The following GSC variants were observed in gnomAD, a reference collection of about 807,000 sequenced individuals.
The protein encoded by GSC is homeobox protein goosecoid.
GSC carries 13 observed loss-of-function variants against 24.5 expected under a neutral mutation model. That is an observed-to-expected ratio of 0.53 (90% CI 0.35 to 0.84). The LOEUF (loss-of-function observed/expected upper bound fraction) is 0.84. Among genes scored for constraint, GSC ranks in the 40% least tolerant of loss-of-function variants. The pLI, the probability that GSC is intolerant of heterozygous loss-of-function variation, is 0.01. For synonymous variants in GSC, 199 were observed against 182.1 expected (o/e 1.09, Z -0.75); for missense variants, 382 against 384.2 (o/e 0.99, Z 0.05).
Position 94,769,131 on chromosome 14 carries a change from C to G in GSC, c.442G>C (p.Glu148Gln). Reference sequence around the variant, plus strand: ...TGCAGCTGGTTGAGAAGCTGCAGCTCGGTGCGCGACAGCGTGCCCACGTTC... The same window carrying G: ...TGCAGCTGGTTGAGAAGCTGCAGCTGGGTGCGCGACAGCGTGCCCACGTTC... The part of the protein sequence containing the change: ...YMNVGTLSRT[E>Q]LQLLNQLHCR... The change falls in exon 2 of 3, where the codon GAG becomes CAG. Residue 148 changes from glutamate (E) to glutamine (Q), a missense_variant. Glu to Gln is a conservative substitution (Grantham distance 29). Coordinates refer to ENST00000238558, the MANE Select transcript of GSC (RefSeq NM_173849.3). 6.3e-7 allele frequency: 1 copy of G among 1,576,702 alleles called. No individual in the cohort carries two copies. The highest frequency in any genetic ancestry group is 1.7e-4 in the Middle Eastern group (1 of 5,880).
rs780023183 is a variant in GSC, at chr14:94,768,511, C to A, written c.754G>T (p.Asp252Tyr). Reference protein sequence around the residue: ...PEKREEEGKSDLDSDS With the variant: ...PEKREEEGKSYLDSDS Reference sequence around the variant, plus strand: ...GGCCGTCAGCTGTCCGAGTCCAAATCGCTTTTACCTTCCTCTTCCCTCTTC... The same window carrying A: ...GGCCGTCAGCTGTCCGAGTCCAAATAGCTTTTACCTTCCTCTTCCCTCTTC... The change falls in exon 3 of 3, where the codon GAT becomes TAT. Residue 252 changes from aspartate (D) to tyrosine (Y), a missense_variant. Asp to Tyr is a radical substitution (Grantham distance 160). Transcript: ENST00000238558. 2.5e-6 allele frequency: 4 copies of A among 1,614,104 alleles called. No individual in the cohort carries two copies. Among genetic ancestry groups the A allele is most frequent in the African/African-American group, 2.7e-5 (2 of 74,930 alleles).
Position 94,768,349 on chromosome 14 carries a change from G to T in GSC, c.*142C>A. ...CCTGACCCCAGACGCCGACCCTCCC[G>T]GCTCTGTACACTATTTACAGCTCCT... On this transcript the variant is annotated 3_prime_UTR_variant, in exon 3 of 3. Coordinates refer to ENST00000238558, the MANE Select transcript of GSC (RefSeq NM_173849.3). The T allele has an allele frequency of 8.7e-7, 1 of 1,148,916 alleles. No homozygotes were observed. The highest frequency in any genetic ancestry group is 1.3e-6 in the Non-Finnish European group (1 of 780,410). The allele number at this position is 1,148,916 out of a possible 1,614,324, so 71.2% of individuals were successfully genotyped here. A position where few individuals can be genotyped will look rare whatever the true frequency, so the allele number is the denominator to read the frequency against.
rs541597429 is a variant in GSC at position 94,769,048 on chromosome 14, G to C, written c.525C>G (p.Leu175=). ...TIFTDEQLEA[L]ENLFQETKYP... is the part of the protein sequence containing the mutation. ...ACTTGGTCTCCTGGAAGAGGTTCTC[G>C]AGAGCTTCGAGCTGCTCGTCAGTGA... The change falls in exon 2 of 3, where the codon CTC becomes CTG. Residue 175 remains leucine, a synonymous_variant. Coordinates refer to ENST00000238558, the MANE Select transcript of GSC (RefSeq NM_173849.3). The C allele has an allele frequency of 6.3e-6, 10 of 1,595,346 alleles. No homozygotes were observed. The highest frequency in any genetic ancestry group is 8.5e-6 in the Non-Finnish European group (10 of 1,171,686).
At position 94,768,432 on chromosome 14, in the gene GSC, G is replaced by A. The variant is rs1885212287; in HGVS notation, c.*59C>T. On this transcript the variant is annotated 3_prime_UTR_variant, in exon 3 of 3. Coordinates refer to ENST00000238558, the MANE Select transcript of GSC (RefSeq NM_173849.3). ...AGCGCGTGTGCAAGAAAGTAGCATCGTCTGTCTGTGCAAGTCCTTCGAGTT... is the reference window on the plus strand; with the variant it reads ...AGCGCGTGTGCAAGAAAGTAGCATCATCTGTCTGTGCAAGTCCTTCGAGTT... 1.3e-6 allele frequency: 2 copies of A among 1,593,560 alleles called. No individual in the cohort carries two copies. Among genetic ancestry groups the A allele is most frequent in the Non-Finnish European group, 1.7e-6 (2 of 1,161,498 alleles).
chr14:94,768,423 A>C lies in GSC; in HGVS notation c.*68T>G, dbSNP rs1885212163. ...CCGCAAGGCAGCGCGTGTGCAAGAA[A>C]GTAGCATCGTCTGTCTGTGCAAGTC... On this transcript the variant is annotated 3_prime_UTR_variant, in exon 3 of 3. Transcript: ENST00000238558. 5.7e-6 allele frequency: 9 copies of C among 1,576,420 alleles called. No homozygotes were observed. Among genetic ancestry groups the C allele is most frequent in the Non-Finnish European group, 7.0e-6 (8 of 1,146,014 alleles).
chr14:94,769,235 G>C lies in GSC; in HGVS notation c.356-18C>G. 1 of 1,546,436 alleles carries C rather than the reference G, an allele frequency of 6.5e-7. No homozygotes were observed. ...CTCGTAGCCTGCGACAGAGTGGGGC[G>C]CACGGTCAGCCGCCCGCCCTCGCCA... On this transcript the variant is annotated intron_variant, in intron 1 of 2. Coordinates refer to ENST00000238558, the MANE Select transcript of GSC (RefSeq NM_173849.3).
chr14:94,769,991 C>A lies in GSC; in HGVS notation c.25G>T (p.Asp9Tyr), dbSNP rs1029759374. The change falls in exon 1 of 3, where the codon GAC (aspartate) becomes TAC (tyrosine). Residue 9 changes from aspartate (D) to tyrosine (Y), a missense_variant. By Grantham distance (160) the Asp-to-Tyr change is radical (BLOSUM62 -3). Coordinates refer to ENST00000238558, the MANE Select transcript of GSC (RefSeq NM_173849.3). The stretch of plus-strand genomic sequence containing the variant: ...CGCGGCCGGGCGGCTAGGATGTTGT[C>A]GATGCTGAACATGCTGGCGGGCATC... MPASMFSI[D>Y]NILAARPRCK... is the part of the protein sequence containing the mutation. 16 of 1,560,908 alleles carry A rather than the reference C, an allele frequency of 1.0e-5. No individual in the cohort carries two copies. Among genetic ancestry groups the A allele is most frequent in the Admixed American group, 1.8e-5 (1 of 54,600 alleles).
Position 94,768,365 on chromosome 14 carries a change from T to A in GSC, c.*126A>T, listed in dbSNP as rs987873842. 1 of 1,283,368 alleles carries A rather than the reference T, an allele frequency of 7.8e-7. No individual in the cohort carries two copies. The highest frequency in any genetic ancestry group is 1.2e-5 in the South Asian group (1 of 82,762). 79.5% of individuals were successfully genotyped at this position (1,283,368 alleles called of 1,614,324 possible). The stretch of plus-strand genomic sequence containing the variant: ...GACCCTCCCGGCTCTGTACACTATT[T>A]ACAGCTCCTCGTTCCTCTTTCTCGA... On this transcript the variant is annotated 3_prime_UTR_variant, in exon 3 of 3. Transcript: ENST00000238558.
In GSC at chr14:94,769,757, GC is replaced by G; in HGVS notation, c.258del (p.Gln87SerfsTer53). 6.9e-7 allele frequency: 1 copy of G among 1,442,132 alleles called. No individual in the cohort carries two copies. 89.3% of individuals were successfully genotyped at this position (1,442,132 alleles called of 1,614,324 possible). On this transcript the variant is annotated frameshift_variant, in exon 1 of 3. Coordinates refer to ENST00000238558, the MANE Select transcript of GSC (RefSeq NM_173849.3). LOFTEE classifies it high-confidence loss of function. The part of the protein sequence containing the change: ...SRLGYNNYFY[G>X]QLHVQAAPVG... ...ACGGGCGCCGCCTGCACGTGCAGCT[GC>G]CCGTAGAAGTAGTTGTTGTAGCCGA... is the stretch of plus-strand genomic sequence containing the variant.
At chr14:94,769,614 C>T in intron 1 of GSC, 47 bp downstream of exon 1, 1 of 1,406,352 alleles carries the variant, frequency 7.1e-7, no homozygotes. Context: ...GCTCCATGGG[C>T]TAAGGACCGC....
Position 94,768,333 on chromosome 14 carries a change from A to T in GSC, c.*158T>A, listed in dbSNP as rs1379394799. ...GCTGGGCTGTGCGCGCCCTGACCCC[A>T]GACGCCGACCCTCCCGGCTCTGTAC... is the stretch of plus-strand genomic sequence containing the variant. On this transcript the variant is annotated 3_prime_UTR_variant, in exon 3 of 3. Transcript: ENST00000238558. 1.0e-6 allele frequency: 1 copy of T among 971,668 alleles called. No individual in the cohort carries two copies. Among genetic ancestry groups the T allele is most frequent in the Non-Finnish European group, 1.6e-6 (1 of 632,286 alleles). The allele number at this position is 971,668 out of a possible 1,614,324, so 60.2% of individuals were successfully genotyped here.
In GSC at chr14:94,769,144, C is replaced by A; in HGVS notation, c.429G>T (p.Thr143=). 6 of 1,570,740 alleles carry A rather than the reference C, an allele frequency of 3.8e-6. No individual in the cohort carries two copies. Among genetic ancestry groups the A allele is most frequent in the East Asian group, 2.3e-5 (1 of 42,596 alleles). ...GAAGCTGCAGCTCGGTGCGCGACAG[C>A]GTGCCCACGTTCATGTAGGGCAGCA... ...HQMLPYMNVG[T]LSRTELQLLN... is the part of the protein sequence containing the mutation. The change falls in exon 2 of 3, where the codon ACG becomes ACT. Residue 143 remains threonine (T), a synonymous_variant. Transcript: ENST00000238558.
chr14:94,769,342 C>T (rs1885236513), intron 1 of GSC, 125 bp from the exon 2 acceptor site: 2 of 1,296,658 alleles, frequency 1.5e-6, no homozygotes, highest in East Asian at 2.5e-5. Flanking sequence ...ATTGGGGGTG[C>T]ACGGGAATCA....
intron 2 of GSC, 128 bp from the exon 3 acceptor site, chr14:94,768,777 G>T: frequency 7.1e-7 from 1 of 1,418,320 alleles, no homozygotes; most frequent in Non-Finnish European, 9.7e-7. Context: ...GGAGCCGCTC[G>T]CTCCCGCTTC....
In GSC at chr14:94,769,064, T is replaced by A. The variant is rs1475607815; in HGVS notation, c.509A>T (p.Glu170Val). 1.3e-6 allele frequency: 2 copies of A among 1,595,178 alleles called. No individual in the cohort carries two copies. The highest frequency in any genetic ancestry group is 2.7e-5 in the African/African-American group (2 of 74,720). Residue 170 changes from glutamate (E) to valine (V), a missense_variant, in exon 2 of 3, where the codon GAG becomes GTG. Glu to Val is a moderately radical substitution (Grantham distance 121). Transcript: ENST00000238558. ...GAGGTTCTCGAGAGCTTCGAGCTGCTCGTCAGTGAAGATGGTGCGGTGCCG... is the reference window on the plus strand; with the variant it reads ...GAGGTTCTCGAGAGCTTCGAGCTGCACGTCAGTGAAGATGGTGCGGTGCCG... ...KRRHRTIFTD[E>V]QLEALENLFQ...
Position 94,768,603 on chromosome 14 carries a change from G to C in GSC, c.662C>G (p.Ser221Cys). 1 of 1,614,068 alleles carries C rather than the reference G, an allele frequency of 6.2e-7. No homozygotes were observed. The highest frequency in any genetic ancestry group is 8.5e-7 in the Non-Finnish European group (1 of 1,180,046). The change falls in exon 3 of 3, where the codon TCC becomes TGC. Residue 221 changes from serine (S) to cysteine (C), a missense_variant. Transcript: ENST00000238558. ...RRAKWRRQKR[S>C]SSEESENAEK... Reference sequence around the variant, plus strand: ...CGCGTTCTCCGACTCCTCTGATGAGGACCGCTTCTGCCGCCTCCATTTGGC... The same window carrying C: ...CGCGTTCTCCGACTCCTCTGATGAGCACCGCTTCTGCCGCCTCCATTTGGC...
intron 2 of GSC, 150 bp downstream of exon 2, chr14:94,768,808 T>C: frequency 7.3e-7 from 1 of 1,377,554 alleles, no homozygotes; most frequent in Non-Finnish European, 1.0e-6. Context: ...TTCAACTTCC[T>C]GGGCCTAAAG....
chr14:94,768,882 G>A (rs918674218), intron 2 of GSC, 76 bp downstream of exon 2: 29 of 1,524,436 alleles, frequency 1.9e-5, no homozygotes, highest in Non-Finnish European at 2.5e-5. Flanking sequence ...AGCCAAGCAG[G>A]GCTGGGCAAA....
Position 94,769,904 on chromosome 14 carries a change from G to T in GSC, c.112C>A (p.Leu38Met), listed in dbSNP as rs1451984437. 1.2e-5 allele frequency: 19 copies of T among 1,528,972 alleles called. No homozygotes were observed. The East Asian group carries it at 1.5e-4, about 12-fold the overall frequency. 94.7% of individuals were successfully genotyped at this position (1,528,972 alleles called of 1,614,324 possible). ...GCGCCGTAGAGCGAGTCCCCGTGCA[G>T]GGCCGGGAAGACGACGGGAGCCGCC... ...SAAAPVVFPA[L>M]HGDSLYGASG... The change falls in exon 1 of 3, where the codon CTG becomes ATG. Residue 38 changes from leucine to methionine, a missense_variant. Leu to Met is a conservative substitution (Grantham distance 15). Coordinates refer to ENST00000238558, the MANE Select transcript of GSC (RefSeq NM_173849.3).
Sources: allele counts gnomAD v4.1 joint callset, GRCh38; gene constraint gnomAD v4.1.1; transcripts MANE v1.5; gene names NCBI Gene and HGNC (gene_info 2026-07-23, HGNC 2026-07-21).